The following ASXL1 variants were observed in gnomAD, a reference collection of about 807,000 sequenced individuals.
ASXL1 encodes polycomb group protein ASXL1.
ASXL1 carries 65 observed loss-of-function variants against 89.1 expected under a neutral mutation model. The ratio of observed to expected loss-of-function variants is 0.73; its 90% CI spans 0.60 to 0.90. ASXL1 has a LOEUF of 0.90. Ranked by LOEUF, ASXL1 falls within the 40% of genes least tolerant of loss-of-function variation. The pLI, the probability that ASXL1 is intolerant of heterozygous loss-of-function variation, is 0.00. For missense variants in ASXL1, 1,786 were observed against 1,942.9 expected (o/e 0.92, Z 1.52); for synonymous variants, 739 against 746.9 (o/e 0.99, Z 0.17).
intron 4 of ASXL1, among the ~76,000 whole-genome samples, chr20:32,375,034 T>G (rs1024529653): frequency 2.0e-5 from 3 of 152,090 alleles, no homozygotes; most frequent in Non-Finnish European, 4.4e-5. Flanking sequence ...ACATATCTGG[T>G]CAGCGTTTTG....
intron 4 of ASXL1, among the ~76,000 whole-genome samples, chr20:32,385,873 G>A (rs1404852691): frequency 2.0e-5 from 3 of 152,098 alleles, no homozygotes; most frequent in Non-Finnish European, 4.4e-5. Flanking sequence ...ACCTTGTTTG[G>A]CCACACTGCC....
chr20:32,424,992 A>G (rs1387995566), intron 4 of ASXL1, among the ~76,000 whole-genome samples: 1 of 151,890 alleles, frequency 6.6e-6, no homozygotes, highest in Admixed American at 6.6e-5. Flanking sequence ...AGCTGAAGGT[A>G]ACTTCTGTCT....
chr20:32,426,669 C>T (rs775433424), intron 4 of ASXL1, among the ~76,000 whole-genome samples: 13 of 149,406 alleles, frequency 8.7e-5, no homozygotes, highest in Admixed American at 6.8e-5. Flanking sequence ...AAGTGATTCC[C>T]CTGCCTTAGC....
intron 4 of ASXL1, among the ~76,000 whole-genome samples, chr20:32,411,878 A>T (rs1298625556): frequency 6.6e-6 from 1 of 152,108 alleles, no homozygotes; most frequent in Non-Finnish European, 1.5e-5. Flanking sequence ...TTATAATCTT[A>T]CTATCATTTT....
At position 32,436,629 on chromosome 20, in the gene ASXL1, G is replaced by T. The variant is rs769761920; in HGVS notation, c.3917G>T (p.Gly1306Val). The T allele has an allele frequency of 6.2e-7, 1 of 1,613,994 alleles. No homozygotes were observed. ...NVTGQGKKLFGSGNVAATLQR... is the reference protein window; with the variant it reads ...NVTGQGKKLFVSGNVAATLQR... Reference sequence around the variant, plus strand: ...ACAGGCCAAGGGAAGAAGCTTTTTGGCTCTGGGAATGTGGCTGCAACCCTT... The same window carrying T: ...ACAGGCCAAGGGAAGAAGCTTTTTGTCTCTGGGAATGTGGCTGCAACCCTT... The change falls in exon 13 of 13, where the codon GGC (glycine) becomes GTC (valine). Residue 1306 changes from glycine to valine, a missense_variant. This residue lies in a region of ASXL1 where 1,418 missense variants were observed against 1,427.8 expected (regional missense o/e 0.99). Coordinates refer to ENST00000375687, the MANE Select transcript of ASXL1 (RefSeq NM_015338.6).
chr20:32,428,166 G>A lies in ASXL1; in HGVS notation c.291G>A (p.Val97=). The change falls in exon 5 of 13, where the codon GTG becomes GTA. Residue 97 remains valine, a synonymous_variant. Transcript: ENST00000375687. ...AGTGGTCTCGCCATCCAGCTACAGT[G>A]GAGGGAGAGGAGCCAGAGGACACGG... ...ALQWSRHPAT[V]EGEEPEDTAD... The A allele has an allele frequency of 6.2e-7, 1 of 1,614,038 alleles. No individual in the cohort carries two copies. Among genetic ancestry groups the A allele is most frequent in the South Asian group, 1.1e-5 (1 of 91,068 alleles).
At chr20:32,370,046 T>A (rs2048275780) in intron 4 of ASXL1, among the ~76,000 whole-genome samples, 1 of 152,110 alleles carries the variant, frequency 6.6e-6, no homozygotes, top group Admixed American at 6.6e-5. Context: ...AGGATTTTGT[T>A]GTAGTAATGA....
chr20:32,369,450 C>T (rs533097967), intron 4 of ASXL1, among the ~76,000 whole-genome samples: 4 of 151,980 alleles, frequency 2.6e-5, no homozygotes, highest in Non-Finnish European at 5.9e-5. Flanking sequence ...CGGGGTTTCA[C>T]CATGTTGGCC....
chr20:32,381,230 A>G (rs2048480484), intron 4 of ASXL1, among the ~76,000 whole-genome samples: 1 of 152,184 alleles, frequency 6.6e-6, no homozygotes, highest in African/African-American at 2.4e-5. Flanking sequence ...TTTTGAGACA[A>G]GATTTCCCTC....
intron 4 of ASXL1, among the ~76,000 whole-genome samples, chr20:32,385,633 T>TA (rs984402951): frequency 1.3e-5 from 2 of 152,126 alleles, no homozygotes; most frequent in Non-Finnish European, 2.9e-5. Flanking sequence ...TTTTTTTTTT[T>TA]AGTCTTCATT....
intron 1 of ASXL1, chr20:32,359,606 G>A: frequency 1.4e-6 from 1 of 692,736 alleles, no homozygotes; most frequent in Non-Finnish European, 2.7e-6. Flanking sequence ...CTGGAAATTG[G>A]TATTTTGAGG....
intron 4 of ASXL1, among the ~76,000 whole-genome samples, chr20:32,401,713 G>A (rs1210392889): frequency 6.6e-6 from 1 of 152,004 alleles, no homozygotes; most frequent in African/African-American, 2.4e-5. Flanking sequence ...GTGTTACCAC[G>A]CAGGCTAATT....
chr20:32,361,493 C>T (rs1307678428), intron 1 of ASXL1, among the ~76,000 whole-genome samples: 1 of 151,418 alleles, frequency 6.6e-6, no homozygotes, highest in Non-Finnish European at 1.5e-5. Context: ...CAAAAATTAG[C>T]CGGGTGTGGT....
chr20:32,420,626 T>C (rs543487285), intron 4 of ASXL1, among the ~76,000 whole-genome samples: 1 of 152,352 alleles, frequency 6.6e-6, no homozygotes, highest in South Asian at 2.1e-4. Context: ...TTGTACTGTT[T>C]TACTCTTGCA....
chr20:32,407,037 A>G (rs1242045071), intron 4 of ASXL1, among the ~76,000 whole-genome samples: 1 of 152,018 alleles, frequency 6.6e-6, no homozygotes, highest in Non-Finnish European at 1.5e-5. Flanking sequence ...TTTTTGTTTT[A>G]GGTTTATAGA....
intron 4 of ASXL1, among the ~76,000 whole-genome samples, chr20:32,422,493 A>T (rs185077191): frequency 1.1e-3 from 152 of 144,172 alleles, no homozygotes; most frequent in South Asian, 2.2e-3. Flanking sequence ...GTGTCTTGAA[A>T]TTTGCTGAGA....
At chr20:32,374,130 C>T (rs764673706) in intron 4 of ASXL1, among the ~76,000 whole-genome samples, 2 of 151,938 alleles carry the variant, frequency 1.3e-5, no homozygotes, top group African/African-American at 4.8e-5. Context: ...CTTCCAGCTT[C>T]CCTAGTAGCT....
intron 10 of ASXL1, 112 bp downstream of exon 10, chr20:32,431,791 A>G: frequency 8.9e-7 from 1 of 1,117,804 alleles, no homozygotes; most frequent in Admixed American, 2.0e-5. Flanking sequence ...TATTTAGTAT[A>G]AGACAGGCTT....
chr20:32,392,688 C>T (rs1035960914), intron 4 of ASXL1, among the ~76,000 whole-genome samples: 2 of 151,826 alleles, frequency 1.3e-5, no homozygotes, highest in Admixed American at 1.3e-4. Flanking sequence ...TTTTAATTTT[C>T]ATTCAGCTTA....
Sources: allele counts gnomAD v4.1 joint callset (sites outside exome capture counted in the v4.1 genomes callset), GRCh38; gene constraint gnomAD v4.1.1; regional missense constraint gnomAD v4.1.1; transcripts MANE v1.5; gene names NCBI Gene and HGNC (gene_info 2026-07-23, HGNC 2026-07-21).